The following TRPM3 variants were observed in gnomAD, a reference collection of about 807,000 sequenced individuals.
The protein encoded by TRPM3 is transient receptor potential cation channel subfamily M member 3, also known as long transient receptor potential channel 3.
A neutral mutation model predicts 181.2 loss-of-function variants in TRPM3; 77 were observed. The ratio of observed to expected loss-of-function variants is 0.42; its 90% CI spans 0.35 to 0.51. The LOEUF is 0.51. Among genes scored for constraint, TRPM3 ranks in the 20% least tolerant of loss-of-function variants. TRPM3 has a pLI of 0.01. For synonymous variants in TRPM3, 745 were observed against 796.4 expected (o/e 0.94, Z 1.09); for missense variants, 1,759 against 2,196.7 (o/e 0.80, Z 3.98).
intron 1 of TRPM3, among the ~76,000 whole-genome samples, chr9:71,110,011 A>G (rs1272439076): frequency 2.0e-5 from 3 of 152,186 alleles, no homozygotes; most frequent in Non-Finnish European, 4.4e-5. Context: ...GTGAATAATG[A>G]CATATTTTGA....
chr9:70,957,422 A>G (rs115044723), intron 1 of TRPM3, among the ~76,000 whole-genome samples: 2,291 of 152,168 alleles, frequency 0.015, 67 homozygotes, highest in African/African-American at 0.051. Context: ...GGGTACTATC[A>G]CTGCTGAGAG....
At chr9:71,107,617 G>A (rs1223936432) in intron 1 of TRPM3, among the ~76,000 whole-genome samples, 3 of 152,200 alleles carry the variant, frequency 2.0e-5, no homozygotes, top group Non-Finnish European at 4.4e-5. Context: ...TATGTGAAGA[G>A]TAAATCAGTT....
At chr9:71,142,706 A>G (rs2075183147) in intron 1 of TRPM3, among the ~76,000 whole-genome samples, 1 of 147,352 alleles carries the variant, frequency 6.8e-6, no homozygotes, top group Non-Finnish European at 1.5e-5. Flanking sequence ...TATTTAAAAA[A>G]TTTGCATGAC....
At chr9:70,973,217 A>G (rs1473553498) in intron 1 of TRPM3, among the ~76,000 whole-genome samples, 1 of 152,144 alleles carries the variant, frequency 6.6e-6, no homozygotes, top group African/African-American at 2.4e-5. Flanking sequence ...TGGGTGGTTA[A>G]TATTAGTAGG....
At position 71,287,836 on chromosome 9, in the gene TRPM3, C is replaced by T. The variant is rs562175358; in HGVS notation, c.183+158817G>A. Among the ~76,000 whole-genome samples the T allele has an allele frequency of 1.1e-4, 16 of 152,202 alleles. No homozygotes were observed. The South Asian group carries it at 2.9e-3, about 28-fold the overall frequency. Reference sequence around the variant, plus strand: ...TAAGCAATGCGCCCGATGTCACATACGCAGTAACAGCTGGAATTTGGATTT... The same window carrying T: ...TAAGCAATGCGCCCGATGTCACATATGCAGTAACAGCTGGAATTTGGATTT... On this transcript the variant is annotated intron_variant, in intron 1 of 24. Transcript: ENST00000357533.
At chr9:71,226,408 A>G (rs1247611531) in intron 1 of TRPM3, among the ~76,000 whole-genome samples, 2 of 152,312 alleles carry the variant, frequency 1.3e-5, no homozygotes, top group East Asian at 3.9e-4. Flanking sequence ...GATTAAAAAA[A>G]GATGCAACAA....
chr9:71,096,329 C>T (rs1402282863), intron 1 of TRPM3, among the ~76,000 whole-genome samples: 1 of 149,786 alleles, frequency 6.7e-6, no homozygotes, highest in Non-Finnish European at 1.5e-5. Context: ...TGAAACTACC[C>T]TTCTAGGACC....
chr9:70,686,557 C>T (rs905312462), intron 8 of TRPM3, among the ~76,000 whole-genome samples: 1 of 151,284 alleles, frequency 6.6e-6, no homozygotes, highest in African/African-American at 2.4e-5. Context: ...ATACTTTTCT[C>T]CTAGAATAAT....
intron 14 of TRPM3, among the ~76,000 whole-genome samples, chr9:70,622,201 G>C (rs1366505777): frequency 3.9e-5 from 6 of 152,124 alleles, no homozygotes; most frequent in Admixed American, 3.9e-4. Context: ...GCTCTCACCA[G>C]ACACTAAATC....
chr9:71,443,471 G>T (rs751064564), intron 1 of TRPM3, among the ~76,000 whole-genome samples: 1 of 152,122 alleles, frequency 6.6e-6, no homozygotes, highest in Non-Finnish European at 1.5e-5. Flanking sequence ...TTCAGCTATT[G>T]CACAGGGCAG....
intron 22 of TRPM3, among the ~76,000 whole-genome samples, chr9:70,588,559 G>A (rs944622200): frequency 6.6e-6 from 1 of 152,144 alleles, no homozygotes; most frequent in African/African-American, 2.4e-5. Flanking sequence ...ATTTCAGAAG[G>A]CCCGCACGGG....
At chr9:71,376,168 A>T (rs368275029) in intron 1 of TRPM3, among the ~76,000 whole-genome samples, 1 of 152,104 alleles carries the variant, frequency 6.6e-6, no homozygotes, top group African/African-American at 2.4e-5. Context: ...TTGCTGAATT[A>T]ACTAGAAGAA....
At chr9:71,422,744 C>T (rs2093799882) in intron 1 of TRPM3, among the ~76,000 whole-genome samples, 1 of 151,910 alleles carries the variant, frequency 6.6e-6, no homozygotes, top group African/African-American at 2.4e-5. Flanking sequence ...TTACAGTTAC[C>T]CTTTGAAAAT....
chr9:71,335,538 T>C (rs925470116), intron 1 of TRPM3, among the ~76,000 whole-genome samples: 12 of 152,122 alleles, frequency 7.9e-5, no homozygotes, highest in Non-Finnish European at 4.4e-5. Flanking sequence ...ATCACTGATA[T>C]GAAACAATTC....
intron 1 of TRPM3, among the ~76,000 whole-genome samples, chr9:70,956,924 T>TA (rs574389947): frequency 2.0e-5 from 3 of 150,020 alleles, no homozygotes; most frequent in Admixed American, 6.7e-5. Context: ...TTTTGACATT[T>TA]AAAAAAAATT....
intron 2 of TRPM3, among the ~76,000 whole-genome samples, chr9:70,864,066 T>C (rs538728718): frequency 6.6e-6 from 1 of 152,178 alleles, no homozygotes; most frequent in South Asian, 2.1e-4. Context: ...CTAGGAGTCT[T>C]TTATTTAAGT....
At chr9:71,410,299 A>T (rs1420096160) in intron 1 of TRPM3, among the ~76,000 whole-genome samples, 3 of 722 alleles carry the variant, frequency 4.2e-3, no homozygotes, top group Non-Finnish European at 0.029. Flanking sequence ...AAAACACTTA[A>T]AAAAAAAATC....
At position 71,286,450 on chromosome 9, in the gene TRPM3, A is replaced by T. The variant is rs141892241; in HGVS notation, c.183+160203T>A. On this transcript the variant is annotated intron_variant, in intron 1 of 24. Transcript: ENST00000357533. Reference sequence around the variant, plus strand: ...TCAACCCAGAGAATCTAGCCCATTAATACATTAATTCTTTAATACATCACT... The same window carrying T: ...TCAACCCAGAGAATCTAGCCCATTATTACATTAATTCTTTAATACATCACT... Among the ~76,000 whole-genome samples the T allele has an allele frequency of 1.2e-3, 189 of 152,302 alleles. 2 individuals carry two copies. Among genetic ancestry groups the T allele is most frequent in the African/African-American group, 4.1e-3 (170 of 41,552 alleles).
At chr9:71,018,062 C>T (rs1373161000) in intron 1 of TRPM3, among the ~76,000 whole-genome samples, 1 of 151,788 alleles carries the variant, frequency 6.6e-6, no homozygotes, top group Non-Finnish European at 1.5e-5. Context: ...CTGAAAAATA[C>T]ATTTCTAAAT....
Sources: allele counts gnomAD v4.1 joint callset (sites outside exome capture counted in the v4.1 genomes callset), GRCh38; gene constraint gnomAD v4.1.1; transcripts MANE v1.5; gene names NCBI Gene and HGNC (gene_info 2026-07-23, HGNC 2026-07-21).